The following RIC1 variants were observed in gnomAD, a reference collection of about 807,000 sequenced individuals.
RIC1 encodes the protein RIC1 partner of RAB6A GEF complex.
RIC1 carries 88 observed loss-of-function variants against 169.0 expected under a neutral mutation model. The observed-to-expected ratio is 0.52, with a 90% confidence interval of 0.44 to 0.62. RIC1 has a LOEUF of 0.62. RIC1 is among the 20% of genes least tolerant of loss of function. RIC1 has a pLI of 0.00. For synonymous variants in RIC1, 790 were observed against 601.5 expected (o/e 1.31, Z -4.59); for missense variants, 1,877 against 1,725.5 (o/e 1.09, Z -1.56).
intron 12 of RIC1, 97 bp from the exon 13 acceptor site, chr9:5,753,103 T>C: frequency 1.8e-6 from 2 of 1,102,940 alleles, no homozygotes; most frequent in South Asian, 1.3e-5. Flanking sequence ...ACCTTAAACA[T>C]TGTTCGGCAA....
At chr9:5,723,187 T>C (rs1823720063) in intron 6 of RIC1, among the ~76,000 whole-genome samples, 1 of 152,226 alleles carries the variant, frequency 6.6e-6, no homozygotes, top group African/African-American at 2.4e-5. Flanking sequence ...TGTAAAAGTA[T>C]TCCTATTTCT....
At chr9:5,650,602 ATTGACACTGGC>A (rs1319145775) in intron 1 of RIC1, among the ~76,000 whole-genome samples, 2 of 151,934 alleles carry the variant, frequency 1.3e-5, no homozygotes, top group Non-Finnish European at 2.9e-5. Flanking sequence ...TGTCAGGAAC[ATTGACACTGGC>A]ATGCTGGGAG....
At position 5,682,025 on chromosome 9, in the gene RIC1, A is replaced by G. The variant is rs1374975929; in HGVS notation, c.253-7934A>G. 2.6e-5 allele frequency among the ~76,000 whole-genome samples: 4 copies of G among 152,064 alleles called. No homozygotes were observed. The East Asian group carries it at 5.8e-4, about 22-fold the overall frequency. On this transcript the variant is annotated intron_variant, in intron 2 of 25. Coordinates refer to ENST00000414202, the MANE Select transcript of RIC1 (RefSeq NM_020829.4). ...CCATTTGTTTGGTAGATCTTCCTCC[A>G]TCCCTTTATTTTGAGCCTATGTGTG...
chr9:5,738,361 C>T lies in RIC1; in HGVS notation c.813-89C>T, dbSNP rs909343295. ...AAGTGGTTTTGTTCTAGTTTACACTCCCACCAGCAAAACATAAGAGTTCTA... is the reference window on the plus strand; with the variant it reads ...AAGTGGTTTTGTTCTAGTTTACACTTCCACCAGCAAAACATAAGAGTTCTA... On this transcript the variant is annotated intron_variant, in intron 7 of 25. Transcript: ENST00000414202. 1.1e-5 allele frequency: 9 copies of T among 856,782 alleles called. No individual in the cohort carries two copies. The African/African-American group carries it at 1.6e-4, about 15-fold the overall frequency. The allele number at this position is 856,782 out of a possible 1,614,324, so 53.1% of individuals were successfully genotyped here.
At chr9:5,754,177 C>T (rs1586694009) in intron 14 of RIC1, among the ~76,000 whole-genome samples, 1 of 152,092 alleles carries the variant, frequency 6.6e-6, no homozygotes, top group Non-Finnish European at 1.5e-5. Context: ...GAAGGCACTA[C>T]TGTTACTGAT....
At chr9:5,688,749 G>A (rs1030980331) in intron 2 of RIC1, among the ~76,000 whole-genome samples, 2 of 152,122 alleles carry the variant, frequency 1.3e-5, no homozygotes, top group African/African-American at 4.8e-5. Context: ...CAGGAAGCCA[G>A]AATTAGAAAG....
In RIC1 at chr9:5,720,040, G is replaced by A. The variant is rs1823491929; in HGVS notation, c.441-142G>A. 7 of 586,580 alleles carry A rather than the reference G, an allele frequency of 1.2e-5. No homozygotes were observed. The South Asian group carries it at 1.9e-4, about 16-fold the overall frequency. 36.3% of individuals were successfully genotyped at this position (586,580 alleles called of 1,614,324 possible). ...CTGATTCTAGATTGAAATATACATA[G>A]ATAAAGTTGCAGATAAATGGAGATG... On this transcript the variant is annotated intron_variant, in intron 4 of 25. Coordinates refer to ENST00000414202, the MANE Select transcript of RIC1 (RefSeq NM_020829.4).
intron 2 of RIC1, among the ~76,000 whole-genome samples, chr9:5,660,355 T>TG (rs1263242240): frequency 6.6e-6 from 1 of 152,138 alleles, no homozygotes; most frequent in African/African-American, 2.4e-5. Flanking sequence ...ATTTATATTT[T>TG]GGGGGGTATA....
Position 5,742,939 on chromosome 9 carries a change from C to T in RIC1, c.972C>T (p.Thr324=), listed in dbSNP as rs892495531. The T allele has an allele frequency of 3.1e-6, 5 of 1,613,202 alleles. No homozygotes were observed. Among genetic ancestry groups the T allele is most frequent in the East Asian group, 4.5e-5 (2 of 44,832 alleles). The change falls in exon 9 of 26, where the codon ACC becomes ACT. Residue 324 remains threonine (T), a synonymous_variant. Transcript: ENST00000414202. ...WSPDNSVVIV[T]WEYGGLSLWS... ...CTGACAATAGTGTTGTAATAGTGACCTGGGAATACGGAGGCCTTTCTTTAT... is the reference window on the plus strand; with the variant it reads ...CTGACAATAGTGTTGTAATAGTGACTTGGGAATACGGAGGCCTTTCTTTAT...
intron 17 of RIC1, among the ~76,000 whole-genome samples, chr9:5,761,728 C>T (rs1346844313): frequency 6.6e-6 from 1 of 152,118 alleles, no homozygotes; most frequent in African/African-American, 2.4e-5. Context: ...TTCCTCTTTA[C>T]AGATAGAAAT....
In RIC1 at chr9:5,774,546, T is replaced by C. The variant is rs1195989509; in HGVS notation, c.*300T>C. On this transcript the variant is annotated 3_prime_UTR_variant, in exon 26 of 26. Transcript: ENST00000414202. Reference sequence around the variant, plus strand: ...GGTAGCTCTTAAACCACAGGAATTGTTTTGCCCCAGGTGAGCTTACTTTTT... The same window carrying C: ...GGTAGCTCTTAAACCACAGGAATTGCTTTGCCCCAGGTGAGCTTACTTTTT... 3 of 218,704 alleles carry C rather than the reference T, an allele frequency of 1.4e-5. No homozygotes were observed. Among genetic ancestry groups the C allele is most frequent in the African/African-American group, 6.8e-5 (3 of 44,050 alleles). 13.5% of individuals were successfully genotyped at this position (218,704 alleles called of 1,614,324 possible).
chr9:5,629,695 G>A (rs1216166958), intron 1 of RIC1, among the ~76,000 whole-genome samples: 1 of 151,814 alleles, frequency 6.6e-6, no homozygotes, highest in Non-Finnish European at 1.5e-5. Context: ...GAGCCTCCCC[G>A]CGTTGGACCG....
chr9:5,636,481 G>T (rs559096093), intron 1 of RIC1, among the ~76,000 whole-genome samples: 1 of 151,856 alleles, frequency 6.6e-6, no homozygotes, highest in African/African-American at 2.4e-5. Flanking sequence ...CACCATACCC[G>T]GCTAATTTTT....
chr9:5,633,017 A>C (rs554214921), intron 1 of RIC1, among the ~76,000 whole-genome samples: 3 of 152,328 alleles, frequency 2.0e-5, no homozygotes, highest in African/African-American at 7.2e-5. Context: ...GTTATATGTT[A>C]GTGTGTTAGA....
At chr9:5,741,081 G>A (rs1329797000) in intron 8 of RIC1, among the ~76,000 whole-genome samples, 1 of 152,136 alleles carries the variant, frequency 6.6e-6, no homozygotes, top group Non-Finnish European at 1.5e-5. Context: ...TTTTGCTGCT[G>A]TGATTTAATT....
rs753482806 is a variant in RIC1 at position 5,747,437 on chromosome 9, G to C, written c.1384G>C (p.Ala462Pro). ...GCCCAGTCGAGAAAAGAGCCCATTTGCAGATGGAGGTTTAGAGTCTCAGGG... is the reference window on the plus strand; with the variant it reads ...GCCCAGTCGAGAAAAGAGCCCATTTCCAGATGGAGGTTTAGAGTCTCAGGG... ...HKPSREKSPF[A>P]DGGLESQGLS... Residue 462 changes from alanine (A) to proline (P), a missense_variant, in exon 12 of 26, where the codon GCA (alanine) becomes CCA (proline). By Grantham distance (27) the Ala-to-Pro change is conservative. Around this residue, in one of 3 missense-constraint regions of RIC1, gnomAD observed 1,104 missense variants for 992.0 expected, o/e 1.11. Transcript: ENST00000414202. 7.4e-6 allele frequency: 12 copies of C among 1,613,980 alleles called. No individual in the cohort carries two copies. In the South Asian group the frequency reaches 1.3e-4, roughly 18 times the overall value.
At chr9:5,756,082 T>C (rs1323433354) in intron 15 of RIC1, 130 bp from the exon 16 acceptor site, 2 of 475,556 alleles carry the variant, frequency 4.2e-6, no homozygotes, top group East Asian at 3.3e-5. Flanking sequence ...AAAGCTTAGA[T>C]AGTTCTTTTA....
chr9:5,703,314 G>GC (rs1234447195), intron 3 of RIC1, among the ~76,000 whole-genome samples: 3 of 152,182 alleles, frequency 2.0e-5, no homozygotes, highest in African/African-American at 7.2e-5. Context: ...ACACAGTAGG[G>GC]CAGTCATTAA....
chr9:5,765,902 A>G (rs1826700332), intron 21 of RIC1, 104 bp downstream of exon 21: 7 of 1,383,590 alleles, frequency 5.1e-6, no homozygotes, highest in Admixed American at 2.2e-5. Flanking sequence ...ATTTAATCCA[A>G]TTGCAGTTTC....
Sources: allele counts gnomAD v4.1 joint callset (sites outside exome capture counted in the v4.1 genomes callset), GRCh38; gene constraint gnomAD v4.1.1; regional missense constraint gnomAD v4.1.1; transcripts MANE v1.5; gene names NCBI Gene and HGNC (gene_info 2026-07-23, HGNC 2026-07-21).